Variants in USP32 observed in about 807,000 individuals in gnomAD.
USP32 encodes the protein ubiquitin carboxyl-terminal hydrolase 32.
In USP32, 59 loss-of-function variants were observed where a neutral mutation model predicts 204.8. The ratio of observed to expected loss-of-function variants is 0.29; its 90% confidence interval spans 0.23 to 0.36. The LOEUF (loss-of-function observed/expected upper bound fraction) is 0.36, where lower values mean the gene tolerates loss of function less well. Among genes scored for constraint, USP32 ranks in the 10% least tolerant of loss-of-function variants. The pLI, the probability that USP32 is intolerant of heterozygous loss-of-function variation, is 1.00. For missense variants in USP32, 1,160 were observed against 1,946.4 expected (o/e 0.60, Z 7.60); for synonymous variants, 517 against 678.4 (o/e 0.76, Z 3.70).
chr17:60,260,285 C>T (rs1415753882), intron 9 of USP32, among the ~76,000 whole-genome samples: 1 of 152,110 alleles, frequency 6.6e-6, no homozygotes, highest in East Asian at 1.9e-4. Flanking sequence ...CTTTGGGAGG[C>T]TGAGGCAGGT....
intron 11 of USP32, chr17:60,249,756 G>A (rs2086120697): frequency 1.4e-6 from 1 of 700,566 alleles, no homozygotes; most frequent in Non-Finnish European, 2.6e-6. Context: ...CCAGAGTCCT[G>A]AAATGGTTGT....
chr17:60,409,560 C>T (rs1308846536), intron 1 of USP32, among the ~76,000 whole-genome samples: 1 of 152,038 alleles, frequency 6.6e-6, no homozygotes, highest in Non-Finnish European at 1.5e-5. Context: ...AGCTTAGTGG[C>T]TCTGAAACCA....
intron 19 of USP32, 138 bp downstream of exon 19, chr17:60,211,886 G>C: frequency 1.4e-6 from 1 of 716,942 alleles, no homozygotes; most frequent in Non-Finnish European, 2.2e-6. Context: ...TGCTGCTTCA[G>C]GAAAAAAGAA....
chr17:60,309,357 T>C (rs977305653), intron 2 of USP32, among the ~76,000 whole-genome samples: 4 of 152,128 alleles, frequency 2.6e-5, no homozygotes, highest in African/African-American at 9.7e-5. Context: ...CCCAGCATTT[T>C]GGGAGGCTGA....
At chr17:60,400,609 C>T (rs1188942452) in intron 1 of USP32, among the ~76,000 whole-genome samples, 1 of 152,152 alleles carries the variant, frequency 6.6e-6, no homozygotes, top group East Asian at 1.9e-4. Flanking sequence ...TTTGAGATGT[C>T]TATTAGACAT....
At chr17:60,196,270 C>CAAAAAAA (rs749074954) in intron 27 of USP32, among the ~76,000 whole-genome samples, 3 of 129,218 alleles carry the variant, frequency 2.3e-5, no homozygotes, top group African/African-American at 6.9e-5. Flanking sequence ...ATCCCCACGC[C>CAAAAAAA]AAAAAAAGAA....
At chr17:60,319,092 A>G (rs1353839056) in intron 2 of USP32, among the ~76,000 whole-genome samples, 2 of 152,174 alleles carry the variant, frequency 1.3e-5, no homozygotes, top group Non-Finnish European at 2.9e-5. Context: ...GTTTAGGGGA[A>G]GGGGTTGGGA....
rs2084016146 is a variant in USP32 at position 60,178,283 on chromosome 17, G to T, written c.*972C>A. 6.6e-6 allele frequency among the ~76,000 whole-genome samples: 1 copy of T among 152,120 alleles called. No individual in the cohort carries two copies. The highest frequency in any genetic ancestry group is 2.4e-5 in the African/African-American group (1 of 41,414). ...TTGCATGTGTTCTCTCTTTTTTAAA[G>T]TGCAAGACAAACACAGAAAAGAACA... On this transcript the variant is annotated 3_prime_UTR_variant, in exon 34 of 34. Transcript: ENST00000300896.
At chr17:60,326,681 T>C (rs796357423) in intron 2 of USP32, among the ~76,000 whole-genome samples, 4 of 152,224 alleles carry the variant, frequency 2.6e-5, no homozygotes, top group African/African-American at 9.7e-5. Context: ...TGAGACACTC[T>C]GTAAGATGTT....
chr17:60,264,448 G>A (rs1390812284), intron 9 of USP32, among the ~76,000 whole-genome samples: 5 of 151,522 alleles, frequency 3.3e-5, no homozygotes, highest in South Asian at 2.1e-4. Context: ...CCAGGAGGTC[G>A]AGGCTGCAGT....
chr17:60,396,130 T>G (rs2089899199), upstream of USP32, among the ~76,000 whole-genome samples: 1 of 134,618 alleles, frequency 7.4e-6, no homozygotes. Flanking sequence ...CAAGCTGGAG[T>G]GCAGTAGCAC....
chr17:60,183,326 T>C lies in USP32; in HGVS notation c.3962A>G (p.Gln1321Arg), dbSNP rs192352472. Residue 1321 changes from glutamine to arginine, a missense_variant, in exon 31 of 34, where the codon CAG becomes CGG. Physicochemically the swap from Gln to Arg is conservative, Grantham distance 43 (BLOSUM62 1). Coordinates refer to ENST00000300896, the MANE Select transcript of USP32 (RefSeq NM_032582.4). ...CCCCTGGGGTGTGAGTGGTTTATGC[T>C]GGCAGAGAGCCGGGTCTCTTGGTAC... ...FLVPRDPALC[Q>R]HKPLTPQGDE... 3.1e-6 allele frequency: 5 copies of C among 1,613,996 alleles called. No individual in the cohort carries two copies. The South Asian group carries it at 5.5e-5, about 18-fold the overall frequency.
At chr17:60,279,900 T>C (rs1380687175) in intron 5 of USP32, among the ~76,000 whole-genome samples, 2 of 150,978 alleles carry the variant, frequency 1.3e-5, no homozygotes, top group East Asian at 1.9e-4. Flanking sequence ...CAAATTAGGA[T>C]AGAAAAATAC....
chr17:60,278,645 C>G (rs894431637), intron 5 of USP32, among the ~76,000 whole-genome samples: 1 of 151,658 alleles, frequency 6.6e-6, no homozygotes, highest in South Asian at 2.1e-4. Context: ...TACCATGGAC[C>G]CAAGATAAAA....
At chr17:60,411,025 A>C (rs1036915298) in intron 1 of USP32, among the ~76,000 whole-genome samples, 12 of 150,762 alleles carry the variant, frequency 8.0e-5, no homozygotes, top group African/African-American at 2.9e-4. Flanking sequence ...AAAAAAAAAA[A>C]GTTTTTAAAG....
intron 5 of USP32, among the ~76,000 whole-genome samples, chr17:60,273,525 C>T (rs1598177523): frequency 6.6e-6 from 1 of 152,278 alleles, no homozygotes; most frequent in Middle Eastern, 3.4e-3. Flanking sequence ...ACTTAACTGC[C>T]TATCAAAATA....
rs779796906 is a variant in USP32, at chr17:60,223,541, C to A, written c.1478G>T (p.Arg493Leu). Reference protein sequence around the residue: ...ATPGADVCFARQHNTSDNNNQ... With the variant: ...ATPGADVCFALQHNTSDNNNQ... ...GTTATTGTCAGAAGTGTTATGTTGTCGAGCAAAGCAAACATCTGCCCCTGG... is the reference window on the plus strand; with the variant it reads ...GTTATTGTCAGAAGTGTTATGTTGTAGAGCAAAGCAAACATCTGCCCCTGG... The change falls in exon 14 of 34, where the codon CGA (arginine) becomes CTA (leucine). Residue 493 changes from arginine (R) to leucine (L), a missense_variant. This residue lies in a region of USP32 where 536 missense variants were observed against 680.9 expected (regional missense o/e 0.79). Coordinates refer to ENST00000300896, the MANE Select transcript of USP32 (RefSeq NM_032582.4). The A allele has an allele frequency of 6.2e-7, 1 of 1,611,652 alleles. No individual in the cohort carries two copies. The highest frequency in any genetic ancestry group is 8.5e-7 in the Non-Finnish European group (1 of 1,179,428).
intron 9 of USP32, among the ~76,000 whole-genome samples, chr17:60,262,456 T>C (rs1052458193): frequency 6.6e-6 from 1 of 152,226 alleles, no homozygotes; most frequent in Non-Finnish European, 1.5e-5. Flanking sequence ...CCTCCCAAAG[T>C]GCTGGGATTA....
chr17:60,227,249 A>C (rs1425591026), intron 12 of USP32, among the ~76,000 whole-genome samples: 1 of 150,054 alleles, frequency 6.7e-6, no homozygotes, highest in African/African-American at 2.5e-5. Context: ...GGCAAGCGAC[A>C]CTAGTTTTCT....
Sources: allele counts gnomAD v4.1 joint callset (sites outside exome capture counted in the v4.1 genomes callset), GRCh38; gene constraint gnomAD v4.1.1; regional missense constraint gnomAD v4.1.1; transcripts MANE v1.5; gene names NCBI Gene and HGNC (gene_info 2026-07-23, HGNC 2026-07-21).